The following PRMT3 variants were observed in gnomAD, a reference collection of about 807,000 sequenced individuals.
PRMT3 encodes the protein protein arginine N-methyltransferase 3.
PRMT3 carries 62 observed loss-of-function variants against 71.9 expected under a neutral mutation model. The observed-to-expected ratio is 0.86, with a 90% confidence interval of 0.70 to 1.07. PRMT3 has a LOEUF of 1.07. Ranked by LOEUF, PRMT3 falls within the 50% of genes least tolerant of loss-of-function variation. The probability of loss-of-function intolerance (pLI) is 0.00; values close to 1 mark genes in which losing one functional copy is unlikely to be tolerated. For missense variants in PRMT3, 663 were observed against 643.0 expected (o/e 1.03, Z -0.34); for synonymous variants, 213 against 220.4 (o/e 0.97, Z 0.30).
intron 10 of PRMT3, among the ~76,000 whole-genome samples, chr11:20,432,693 T>G (rs1849680255): frequency 6.6e-6 from 1 of 152,208 alleles, no homozygotes; most frequent in African/African-American, 2.4e-5. Flanking sequence ...TGTATAAGAA[T>G]TCTCCTTCTC....
At chr11:20,452,459 C>T (rs1850171706) in intron 11 of PRMT3, among the ~76,000 whole-genome samples, 1 of 152,106 alleles carries the variant, frequency 6.6e-6, no homozygotes, top group South Asian at 2.1e-4. Context: ...TAATAAATAT[C>T]TAAAGACTAG....
At chr11:20,439,812 C>G (rs114158684) in intron 10 of PRMT3, among the ~76,000 whole-genome samples, 2,882 of 151,778 alleles carry the variant, frequency 0.019, 109 homozygotes, top group African/African-American at 0.066. Flanking sequence ...AAAAAGAAGC[C>G]CAAAAGCAGC....
At chr11:20,411,056 G>A (rs1297109679) in intron 9 of PRMT3, among the ~76,000 whole-genome samples, 2 of 152,034 alleles carry the variant, frequency 1.3e-5, no homozygotes, top group Non-Finnish European at 2.9e-5. Flanking sequence ...AGCTAAGTAA[G>A]CACATAACTA....
intron 9 of PRMT3, among the ~76,000 whole-genome samples, chr11:20,416,042 C>G (rs1849297385): frequency 2.6e-5 from 4 of 152,178 alleles, no homozygotes; most frequent in Admixed American, 2.6e-4. Context: ...CTTAATGTTT[C>G]TCAAATGTGT....
intron 10 of PRMT3, among the ~76,000 whole-genome samples, chr11:20,430,235 A>C (rs1185555322): frequency 6.6e-6 from 1 of 152,108 alleles, no homozygotes; most frequent in East Asian, 1.9e-4. Context: ...TTTTACAAGT[A>C]TTTTCAACAA....
chr11:20,392,203 C>T lies in PRMT3; in HGVS notation c.248-8C>T. The T allele has an allele frequency of 1.3e-6, 2 of 1,571,660 alleles. No individual in the cohort carries two copies. The highest frequency in any genetic ancestry group is 1.1e-5 in the South Asian group (1 of 88,032). On this transcript the variant is annotated splice_region_variant and splice_polypyrimidine_tract_variant and intron_variant, in intron 3 of 15. Coordinates refer to ENST00000331079, the MANE Select transcript of PRMT3 (RefSeq NM_005788.4). ...TAACATAGGTGAATTATCTTTTTCC[C>T]CCTTTAGGACTTGAATTTTATGGAT...
intron 10 of PRMT3, among the ~76,000 whole-genome samples, chr11:20,427,256 C>G (rs1374412383): frequency 6.6e-6 from 1 of 152,162 alleles, no homozygotes; most frequent in Non-Finnish European, 1.5e-5. Context: ...CATTATCATA[C>G]TGAATGTCCT....
chr11:20,475,654 T>TC (rs1850763820), intron 13 of PRMT3, among the ~76,000 whole-genome samples: 6 of 4,246 alleles, frequency 1.4e-3, no homozygotes. Flanking sequence ...CTTAATGTCT[T>TC]TTTTTTTTTT....
chr11:20,388,261 T>C (rs1427764808), intron 2 of PRMT3, 107 bp downstream of exon 2: 1 of 1,497,644 alleles, frequency 6.7e-7, no homozygotes, highest in East Asian at 2.3e-5. Context: ...TGGCCTGTCT[T>C]TGAATTCTGG....
At chr11:20,397,449 G>T in intron 6 of PRMT3, 128 bp from the exon 7 acceptor site, 1 of 899,664 alleles carries the variant, frequency 1.1e-6, no homozygotes. Flanking sequence ...AGTTGTTCAA[G>T]ATAGAATGTG....
chr11:20,458,542 A>G (rs1351938577), intron 11 of PRMT3, among the ~76,000 whole-genome samples: 1 of 152,172 alleles, frequency 6.6e-6, no homozygotes, highest in African/African-American at 2.4e-5. Flanking sequence ...TAATTATTCA[A>G]TTATAGCTTC....
intron 10 of PRMT3, among the ~76,000 whole-genome samples, chr11:20,449,887 T>C (rs1565217340): frequency 6.6e-6 from 1 of 152,084 alleles, no homozygotes; most frequent in East Asian, 1.9e-4. Flanking sequence ...TCAAACAATA[T>C]GACAAAGTCC....
At chr11:20,497,809 C>T (rs1332782582) in intron 15 of PRMT3, among the ~76,000 whole-genome samples, 2 of 152,156 alleles carry the variant, frequency 1.3e-5, no homozygotes, top group African/African-American at 4.8e-5. Flanking sequence ...CTGTCTAGAT[C>T]CTCCTTAACA....
intron 15 of PRMT3, among the ~76,000 whole-genome samples, chr11:20,496,405 G>T (rs546658429): frequency 6.6e-6 from 1 of 152,240 alleles, no homozygotes; most frequent in African/African-American, 2.4e-5. Flanking sequence ...GCGACATAGT[G>T]AGACCCTGTC....
rs1347588718 is a variant in PRMT3, at chr11:20,493,704, C to G, written c.1348-215C>G. On this transcript the variant is annotated intron_variant, in intron 13 of 15. Transcript: ENST00000331079. ...TAAAATGTACTAATTATTTGATTAG[C>G]CTTATTACCTTTATTATGTTGTTTC... Among the ~76,000 whole-genome samples the G allele has an allele frequency of 2.6e-5, 4 of 152,166 alleles. No individual in the cohort carries two copies. The South Asian group carries it at 8.3e-4, about 32-fold the overall frequency.
At chr11:20,464,882 A>G (rs1850472071) in intron 13 of PRMT3, among the ~76,000 whole-genome samples, 1 of 152,152 alleles carries the variant, frequency 6.6e-6, no homozygotes, top group African/African-American at 2.4e-5. Flanking sequence ...AACTCTTTAC[A>G]TTTAATTTAG....
At chr11:20,485,403 G>A (rs1172694154) in intron 13 of PRMT3, among the ~76,000 whole-genome samples, 1 of 152,136 alleles carries the variant, frequency 6.6e-6, no homozygotes, top group Non-Finnish European at 1.5e-5. Context: ...AGCTCTAGGT[G>A]CTCCAGGAAT....
chr11:20,395,849 C>T lies in PRMT3; in HGVS notation c.447C>T (p.Pro149=). 1 of 1,613,878 alleles carries T rather than the reference C, an allele frequency of 6.2e-7. No individual in the cohort carries two copies. Among genetic ancestry groups the T allele is most frequent in the South Asian group, 1.1e-5 (1 of 91,064 alleles). The change falls in exon 6 of 16, where the codon CCC becomes CCT. Residue 149 remains proline (P), a synonymous_variant. Coordinates refer to ENST00000331079, the MANE Select transcript of PRMT3 (RefSeq NM_005788.4). ...CGGTGTCAGTACCCTTCTCATACCCCAATGGACTCAGTGAAAATACATCTG... is the reference window on the plus strand; with the variant it reads ...CGGTGTCAGTACCCTTCTCATACCCTAATGGACTCAGTGAAAATACATCTG... The part of the protein sequence containing the change: ...YEPVSVPFSY[P]NGLSENTSVV...
At chr11:20,401,081 A>G (rs1326202935) in intron 7 of PRMT3, among the ~76,000 whole-genome samples, 3 of 152,204 alleles carry the variant, frequency 2.0e-5, no homozygotes, top group Non-Finnish European at 4.4e-5. Flanking sequence ...CATACAAACA[A>G]AAACAGATTT....
Sources: gnomAD v4.1 joint callset for allele counts (sites outside exome capture counted in the v4.1 genomes callset) on GRCh38, gnomAD v4.1.1 for gene constraint, MANE v1.5 for transcripts, NCBI Gene and HGNC (gene_info 2026-07-23, HGNC 2026-07-21) for gene names.